The following TEX9 variants were observed in gnomAD, a reference collection of about 807,000 sequenced individuals.
The protein encoded by TEX9 is testis expressed 9, also known as testis-expressed protein 9.
Under a neutral mutation model 59.6 loss-of-function variants are expected in TEX9, and 74 were observed. The ratio of observed to expected loss-of-function variants is 1.24; its 90% CI spans 1.03 to 1.51. The LOEUF is 1.51. Ranked by LOEUF, TEX9 falls within the 40% of genes most tolerant of loss-of-function variation. TEX9 has a pLI of 0.00. For synonymous variants in TEX9, 186 were observed against 152.2 expected, an observed-to-expected ratio of 1.22 and a Z score of -1.64; for missense variants, 522 against 447.8, an observed-to-expected ratio of 1.17 and a Z score of -1.49.
At chr15:56,404,199 C>A (rs1231260593) in intron 9 of TEX9, among the ~76,000 whole-genome samples, 1 of 152,172 alleles carries the variant, frequency 6.6e-6, no homozygotes, top group Non-Finnish European at 1.5e-5. Flanking sequence ...GAACAGCCAA[C>A]CTACAGAATG....
chr15:56,380,398 T>A (rs1342734612), intron 3 of TEX9, among the ~76,000 whole-genome samples: 1 of 152,186 alleles, frequency 6.6e-6, no homozygotes, highest in Non-Finnish European at 1.5e-5. Flanking sequence ...TTGTTGTAGT[T>A]ATTATTTTTA....
Position 56,413,174 on chromosome 15 carries a change from TA to T in TEX9, c.963+741del, listed in dbSNP as rs1567133521. On this transcript the variant is annotated intron_variant, in intron 10 of 12. Transcript: ENST00000352903. ...GTGATATTACCTATTTAATAATTTTTAAATTCTATTTAATAATTAAATATTT... is the reference window on the plus strand; with the variant it reads ...GTGATATTACCTATTTAATAATTTTTAATTCTATTTAATAATTAAATATTT... Among the ~76,000 whole-genome samples the T allele has an allele frequency of 1.6e-4, 8 of 50,936 alleles. No individual in the cohort carries two copies. The South Asian group carries it at 8.6e-3, about 55-fold the overall frequency. 33.4% of individuals were successfully genotyped at this position (50,936 alleles called of 152,430 possible). A position where few individuals can be genotyped will look rare whatever the true frequency, so the allele number is the denominator to read the frequency against.
intron 3 of TEX9, among the ~76,000 whole-genome samples, chr15:56,377,545 G>T (rs1242244479): frequency 6.6e-6 from 1 of 151,644 alleles, no homozygotes; most frequent in Non-Finnish European, 1.5e-5. Flanking sequence ...TTATTTTTTA[G>T]ATTGTTGACA....
At chr15:56,452,809 C>T in the TEX9 span, among the ~76,000 whole-genome samples, 145 of 152,204 alleles carry the variant, frequency 9.5e-4, no homozygotes, top group Non-Finnish European at 1.6e-3. Flanking sequence ...TGAGCCACCG[C>T]ACCCGGCCTA....
At chr15:56,340,311 A>G (rs1469917195) in intron 1 of TEX9, among the ~76,000 whole-genome samples, 14 of 152,190 alleles carry the variant, frequency 9.2e-5, no homozygotes, top group African/African-American at 3.4e-4. Flanking sequence ...TAATGGACTC[A>G]CTGTGAGATA....
chr15:56,434,086 G>T, intron 12 of TEX9: 1 of 1,555,848 alleles, frequency 6.4e-7, no homozygotes, highest in African/African-American at 1.4e-5. Context: ...TGATAGATGA[G>T]CTATTGCTGT....
intron 1 of TEX9, among the ~76,000 whole-genome samples, chr15:56,264,123 T>C (rs537440329): frequency 2.0e-5 from 3 of 152,342 alleles, no homozygotes; most frequent in Non-Finnish European, 2.9e-5. Context: ...TGCTGTGCCA[T>C]GTAAGTATAC....
chr15:56,259,065 T>C (rs1164899914), intron 1 of TEX9, among the ~76,000 whole-genome samples: 3 of 151,912 alleles, frequency 2.0e-5, no homozygotes, highest in Non-Finnish European at 2.9e-5. Flanking sequence ...AATTAATCCA[T>C]CTTTTATGTT....
At chr15:56,254,128 A>T (rs1377500278) in intron 1 of TEX9, among the ~76,000 whole-genome samples, 1 of 152,130 alleles carries the variant, frequency 6.6e-6, no homozygotes, top group African/African-American at 2.4e-5. Flanking sequence ...GACAGAAAAG[A>T]TTAAAGGGGG....
chr15:56,430,785 A>G (rs2050568372), intron 12 of TEX9, among the ~76,000 whole-genome samples: 3 of 152,306 alleles, frequency 2.0e-5, no homozygotes, highest in Middle Eastern at 3.4e-3. Flanking sequence ...CAATGTTTTC[A>G]TACACATTCT....
chr15:56,456,323 C>A, the TEX9 span: 1 of 1,389,716 alleles, frequency 7.2e-7, no homozygotes, highest in Non-Finnish European at 9.6e-7. Context: ...ATTTCACTTT[C>A]AGGTGCTAAG....
rs139965213 is a variant in TEX9, at chr15:56,261,348, T to G, written c.-107+17070T>G. ...TGATATAGGCATGTAAAGTCAACTT[T>G]CTTCTAATCATTGTGAATTAAAAAA... On this transcript the variant is annotated intron_variant, in intron 1 of 5. Coordinates refer to the TEX9 transcript ENST00000560827. Among the ~76,000 whole-genome samples, 615 of 152,192 alleles carry G rather than the reference T, an allele frequency of 4.0e-3. 6 individuals are homozygous for G. The highest frequency in any genetic ancestry group is 0.014 in the African/African-American group (591 of 41,538).
At chr15:56,433,927 T>C (rs1206944072) in intron 12 of TEX9, among the ~76,000 whole-genome samples, 1 of 152,186 alleles carries the variant, frequency 6.6e-6, no homozygotes, top group Non-Finnish European at 1.5e-5. Flanking sequence ...ATTTACCTTT[T>C]ATGTTCTCAA....
At chr15:56,428,653 C>T in intron 12 of TEX9, 1 of 421,398 alleles carries the variant, frequency 2.4e-6, no homozygotes. Flanking sequence ...CAATTAAGCA[C>T]ATCAGATAAT....
intron 12 of TEX9, among the ~76,000 whole-genome samples, chr15:56,434,778 C>T (rs568243789): frequency 2.0e-5 from 3 of 152,162 alleles, no homozygotes; most frequent in African/African-American, 4.8e-5. Context: ...GTCCAAACCA[C>T]CCATAAGTAT....
chr15:56,380,428 TTTC>T (rs1236078328), intron 3 of TEX9, among the ~76,000 whole-genome samples: 3 of 147,346 alleles, frequency 2.0e-5, no homozygotes, highest in African/African-American at 8.1e-5. Context: ...TCATTTAGTC[TTTC>T]TACTTTAGAG....
intron 9 of TEX9, among the ~76,000 whole-genome samples, chr15:56,411,882 T>G (rs527682042): frequency 2.6e-5 from 4 of 152,326 alleles, no homozygotes; most frequent in Middle Eastern, 3.4e-3. Context: ...GAATATATTC[T>G]GAAAAGATTT....
chr15:56,278,648 A>G (rs2044739543), intron 1 of TEX9, among the ~76,000 whole-genome samples: 1 of 152,100 alleles, frequency 6.6e-6, no homozygotes, highest in African/African-American at 2.4e-5. Flanking sequence ...TAAACACTAT[A>G]TTTATTCTGC....
chr15:56,248,286 G>A (rs1331841820), intron 1 of TEX9, among the ~76,000 whole-genome samples: 1 of 152,228 alleles, frequency 6.6e-6, no homozygotes, highest in East Asian at 1.9e-4. Context: ...GCTAATGTAA[G>A]TATGCTGTGA....
Sources: allele counts gnomAD v4.1 joint callset (sites outside exome capture counted in the v4.1 genomes callset), GRCh38; gene constraint gnomAD v4.1.1; transcripts MANE v1.5; gene names NCBI Gene and HGNC (gene_info 2026-07-23, HGNC 2026-07-21).